Variants in JPH4 observed in about 807,000 individuals in gnomAD.
The protein encoded by JPH4 is junctophilin-4.
A neutral mutation model predicts 57.6 loss-of-function variants in JPH4; 18 were observed. That is an observed-to-expected ratio of 0.31 (90% CI 0.22 to 0.46). The LOEUF (loss-of-function observed/expected upper bound fraction) is 0.46. Ranked by LOEUF, JPH4 falls within the 20% of genes least tolerant of loss-of-function variation. The pLI, the probability that JPH4 is intolerant of heterozygous loss-of-function variation, is 1.00. For missense variants in JPH4, 727 were observed against 911.1 expected (o/e 0.80, Z 2.60); for synonymous variants, 425 against 406.6 (o/e 1.05, Z -0.54).
Position 23,577,319 on chromosome 14 carries a change from G to A in JPH4, c.135C>T (p.His45=), listed in dbSNP as rs1889299462. The change falls in exon 2 of 6, where the codon CAC becomes CAT. Residue 45 remains histidine (H), a synonymous_variant. Coordinates refer to ENST00000356300, the MANE Select transcript of JPH4 (RefSeq NM_001146028.2). This position sits in a 1 kb window ranked among gnomAD's most constrained non-coding sequence, Gnocchi z 8.4. ...TGAAGACGCCCAGTGACTCGAAGCC[G>A]TGTGCCCAGCAGCCGCTGTACTCGC... The part of the protein sequence containing the change: ...AQGEYSGCWA[H]GFESLGVFTG... 2 of 1,536,672 alleles carry A rather than the reference G, an allele frequency of 1.3e-6. No homozygotes were observed. The highest frequency in any genetic ancestry group is 1.4e-5 in the African/African-American group (1 of 72,388).
chr14:23,575,747 A>T lies in JPH4; in HGVS notation c.1089T>A (p.Ala363=), dbSNP rs1219485015. The change falls in exon 3 of 6, where the codon GCT becomes GCA. Residue 363 remains alanine, a synonymous_variant. Coordinates refer to ENST00000356300, the MANE Select transcript of JPH4 (RefSeq NM_001146028.2). This position sits in a 1 kb window ranked among gnomAD's most constrained non-coding sequence, Gnocchi z 6.9. ...TCACGGCTCGACGGGCGCCCTCGAC[A>T]GCCCTGTCCACCTTCTCCTTAACCT... The part of the protein sequence containing the change: ...RGKVKEKVDR[A]VEGARRAVSA... The T allele has an allele frequency of 6.3e-7, 1 of 1,594,062 alleles. No homozygotes were observed. Among genetic ancestry groups the T allele is most frequent in the Non-Finnish European group, 8.5e-7 (1 of 1,172,872 alleles).
At position 23,568,150 on chromosome 14, in the gene JPH4, A is replaced by G; in HGVS notation, c.*1484T>C. ...TAGTTTAACTTCAATCCCAAATTCC[A>G]TGAAATAGAAATCAGAAGTAAAGGT... On this transcript the variant is annotated 3_prime_UTR_variant, in exon 6 of 6. Coordinates refer to ENST00000356300, the MANE Select transcript of JPH4 (RefSeq NM_001146028.2). 1 of 985,756 alleles carries G rather than the reference A, an allele frequency of 1.0e-6. No individual in the cohort carries two copies. The highest frequency in any genetic ancestry group is 1.2e-6 in the Non-Finnish European group (1 of 829,918). The allele number at this position is 985,756 out of a possible 1,614,324, so 61.1% of individuals were successfully genotyped here. A position where few individuals can be genotyped will look rare whatever the true frequency, so the allele number is the denominator to read the frequency against.
rs1388366744 is a variant in JPH4 at position 23,569,529 on chromosome 14, G to C, written c.*105C>G. 2 of 762,134 alleles carry C rather than the reference G, an allele frequency of 2.6e-6. No homozygotes were observed. Among genetic ancestry groups the C allele is most frequent in the Non-Finnish European group, 4.6e-6 (2 of 434,758 alleles). 47.2% of individuals were successfully genotyped at this position (762,134 alleles called of 1,614,324 possible). ...ACAGAAAAGAAAGGAAGAAGAGAAA[G>C]AAAGATAGGAGAAAACACAGCCAGG... On this transcript the variant is annotated 3_prime_UTR_variant, in exon 6 of 6. Coordinates refer to ENST00000356300, the MANE Select transcript of JPH4 (RefSeq NM_001146028.2). The surrounding 1 kb of genome is among the most constrained non-coding windows in gnomAD (Gnocchi z 4.8).
At position 23,571,199 on chromosome 14, in the gene JPH4, C is replaced by G. The variant is rs762035279; in HGVS notation, c.1532G>C (p.Gly511Ala). The G allele has an allele frequency of 6.2e-7, 1 of 1,613,990 alleles. No homozygotes were observed. Among genetic ancestry groups the G allele is most frequent in the Non-Finnish European group, 8.5e-7 (1 of 1,179,934 alleles). ...GAGAQAEELAGYEAEDEAGMQ... is the reference protein window; with the variant it reads ...GAGAQAEELAAYEAEDEAGMQ... ...CCCAGCCTCATCCTCAGCCTCATAG[C>G]CAGCTAGTTCCTCTGCCTGTGCGCC... is the stretch of plus-strand genomic sequence containing the variant. The change falls in exon 5 of 6, where the codon GGC becomes GCC. Residue 511 changes from glycine (G) to alanine (A), a missense_variant. Gly to Ala is a moderately conservative substitution (Grantham distance 60, BLOSUM62 0). Transcript: ENST00000356300. This position sits in a 1 kb window ranked among gnomAD's most constrained non-coding sequence, Gnocchi z 4.6.
chr14:23,576,270 G>T lies in JPH4; in HGVS notation c.566C>A (p.Ser189Ter). Residue 189 changes from serine to a stop codon, truncating the protein, a stop_gained, in exon 3 of 6, where the codon TCG becomes TAG. Coordinates refer to ENST00000356300, the MANE Select transcript of JPH4 (RefSeq NM_001146028.2). LOFTEE classifies it high-confidence loss of function. This position sits in a 1 kb window ranked among gnomAD's most constrained non-coding sequence, Gnocchi z 8.0. ...CAGCACGAAGCCGCCCCGGGAGCCC[G>T]AGGCGGGGCTGCCTCCCTCGTCGCC... ...LPGDEGGSPA[S>*]GSRGGFVLAG... 2 of 1,265,734 alleles carry T rather than the reference G, an allele frequency of 1.6e-6. No homozygotes were observed. Among genetic ancestry groups the T allele is most frequent in the Non-Finnish European group, 2.0e-6 (2 of 1,007,436 alleles). 78.4% of individuals were successfully genotyped at this position (1,265,734 alleles called of 1,614,324 possible).
Position 23,568,838 on chromosome 14 carries a change from G to A in JPH4, c.*796C>T. On this transcript the variant is annotated 3_prime_UTR_variant, in exon 6 of 6. Coordinates refer to ENST00000356300, the MANE Select transcript of JPH4 (RefSeq NM_001146028.2). ...AGACAGAAGGGTGGGAGAAGTCAGTGGCAAAGTCTGGGCAGGGTGGACTTG... is the reference window on the plus strand; with the variant it reads ...AGACAGAAGGGTGGGAGAAGTCAGTAGCAAAGTCTGGGCAGGGTGGACTTG... 1 of 980,974 alleles carries A rather than the reference G, an allele frequency of 1.0e-6. No individual in the cohort carries two copies. The highest frequency in any genetic ancestry group is 4.7e-5 in the South Asian group (1 of 21,194). The allele number at this position is 980,974 out of a possible 1,614,324, so 60.8% of individuals were successfully genotyped here. A position where few individuals can be genotyped will look rare whatever the true frequency, so the allele number is the denominator to read the frequency against.
Position 23,578,396 on chromosome 14 carries a change from T to G in JPH4, c.-388A>C, listed in dbSNP as rs1889330748. ...AGGTAGTGGCAAGGGTGGGGGAAGA[T>G]GAGAATAGTGTAGGGGAAAAAATCT... On this transcript the variant is annotated 5_prime_UTR_variant, in exon 1 of 6. Coordinates refer to ENST00000356300, the MANE Select transcript of JPH4 (RefSeq NM_001146028.2). 1 of 141,236 alleles carries G rather than the reference T, an allele frequency of 7.1e-6. No individual in the cohort carries two copies. Among genetic ancestry groups the G allele is most frequent in the Non-Finnish European group, 1.5e-5 (1 of 64,966 alleles). 8.7% of individuals were successfully genotyped at this position (141,236 alleles called of 1,614,324 possible).
chr14:23,571,808 C>A lies in JPH4; in HGVS notation c.1264G>T (p.Ala422Ser). 6.2e-7 allele frequency: 1 copy of A among 1,612,286 alleles called. No individual in the cohort carries two copies. Among genetic ancestry groups the A allele is most frequent in the Non-Finnish European group, 8.5e-7 (1 of 1,179,712 alleles). ...IAQDLQPMLE[A>S]PGRRPRQDSE... ...CCAGCTGTCCATGCCTCACCTGGGG[C>A]CTCTAGCATGGGCTGCAGGTCCTGG... Residue 422 changes from alanine to serine, a missense_variant, in exon 4 of 6, where the codon GCC becomes TCC. Transcript: ENST00000356300. The surrounding 1 kb of genome is among the most constrained non-coding windows in gnomAD (Gnocchi z 4.6).
rs905637465 is a variant in JPH4 at position 23,569,487 on chromosome 14, GA to G, written c.*146del. 11 of 673,002 alleles carry G rather than the reference GA, an allele frequency of 1.6e-5. No individual in the cohort carries two copies. The highest frequency in any genetic ancestry group is 2.9e-5 in the Non-Finnish European group (11 of 375,022). The allele number at this position is 673,002 out of a possible 1,614,324, so 41.7% of individuals were successfully genotyped here. A position where few individuals can be genotyped will look rare whatever the true frequency, so the allele number is the denominator to read the frequency against. ...GAAGACAGGGAAAGAAAAAGCGAGA[GA>G]AAAAAACAAAGGAGCACAGAAAAGA... On this transcript the variant is annotated 3_prime_UTR_variant, in exon 6 of 6. Coordinates refer to ENST00000356300, the MANE Select transcript of JPH4 (RefSeq NM_001146028.2). This position sits in a 1 kb window ranked among gnomAD's most constrained non-coding sequence, Gnocchi z 4.8.
Position 23,575,771 on chromosome 14 carries a change from C to T in JPH4, c.1065G>A (p.Lys355=), listed in dbSNP as rs1442065212. 6.3e-7 allele frequency: 1 copy of T among 1,586,392 alleles called. No homozygotes were observed. Among genetic ancestry groups the T allele is most frequent in the Non-Finnish European group, 8.6e-7 (1 of 1,168,104 alleles). The change falls in exon 3 of 6, where the codon AAG becomes AAA. Residue 355 remains lysine (K), a synonymous_variant. Transcript: ENST00000356300. The surrounding 1 kb of genome is among the most constrained non-coding windows in gnomAD (Gnocchi z 6.9). ...CAGCCCTGTCCACCTTCTCCTTAAC[C>T]TTGCCCCGCCGAAGGGCCAGAGGCA... is the stretch of plus-strand genomic sequence containing the variant. ...SLLPLALRRG[K]VKEKVDRAVE... is the part of the protein sequence containing the mutation.
At chr14:23,572,042 C>T (rs1022384884) in intron 3 of JPH4, 122 bp from the exon 4 acceptor site, 22 of 836,322 alleles carry the variant, frequency 2.6e-5, no homozygotes, top group African/African-American at 3.4e-5. Flanking sequence ...CCTCTGGAGT[C>T]GTCACCCTTC....
chr14:23,568,807 T>C lies in JPH4; in HGVS notation c.*827A>G. 1 of 985,832 alleles carries C rather than the reference T, an allele frequency of 1.0e-6. No homozygotes were observed. Among genetic ancestry groups the C allele is most frequent in the Non-Finnish European group, 1.2e-6 (1 of 830,028 alleles). The allele number at this position is 985,832 out of a possible 1,614,324, so 61.1% of individuals were successfully genotyped here. ...TCCAGACCAACCAAATAAACTATTA[T>C]GGGGGAGACAGAAGGGTGGGAGAAG... On this transcript the variant is annotated 3_prime_UTR_variant, in exon 6 of 6. Coordinates refer to ENST00000356300, the MANE Select transcript of JPH4 (RefSeq NM_001146028.2).
At position 23,576,894 on chromosome 14, in the gene JPH4, T is replaced by C. The variant is rs1889286319; in HGVS notation, c.379+181A>G. ...GGAGAAGCGAGCAGGAGACAGACAA[T>C]TGAGGAAAGCATAATCATGGTGGGA... On this transcript the variant is annotated intron_variant, in intron 2 of 5. Coordinates refer to ENST00000356300, the MANE Select transcript of JPH4 (RefSeq NM_001146028.2). The surrounding 1 kb of genome is among the most constrained non-coding windows in gnomAD (Gnocchi z 8.0). Among the ~76,000 whole-genome samples, 1 of 151,220 alleles carries C rather than the reference T, an allele frequency of 6.6e-6. No individual in the cohort carries two copies. The highest frequency in any genetic ancestry group is 1.5e-5 in the Non-Finnish European group (1 of 67,776).
At position 23,577,163 on chromosome 14, in the gene JPH4, C is replaced by A. The variant is rs765820354; in HGVS notation, c.291G>T (p.Val97=). 1.6e-5 allele frequency: 25 copies of A among 1,536,506 alleles called. No individual in the cohort carries two copies. The Admixed American group carries it at 4.9e-4, about 30-fold the overall frequency. ...WLGGLKGRSG[V]WESVSGLRYA... The stretch of plus-strand genomic sequence containing the variant: ...AGCGCAGGCCGGACACGCTTTCCCA[C>A]ACGCCGCTGCGCCCCTTCAGCCCGC... The change falls in exon 2 of 6, where the codon GTG becomes GTT. Residue 97 remains valine (V), a synonymous_variant. Coordinates refer to ENST00000356300, the MANE Select transcript of JPH4 (RefSeq NM_001146028.2). The surrounding 1 kb of genome is among the most constrained non-coding windows in gnomAD (Gnocchi z 8.4).
In JPH4 at chr14:23,576,547, G is replaced by T; in HGVS notation, c.380-91C>A. 1 of 1,139,300 alleles carries T rather than the reference G, an allele frequency of 8.8e-7. No individual in the cohort carries two copies. The highest frequency in any genetic ancestry group is 1.1e-6 in the Non-Finnish European group (1 of 882,634). The allele number at this position is 1,139,300 out of a possible 1,614,324, so 70.6% of individuals were successfully genotyped here. A position where few individuals can be genotyped will look rare whatever the true frequency, so the allele number is the denominator to read the frequency against. On this transcript the variant is annotated intron_variant, in intron 2 of 5. Coordinates refer to ENST00000356300, the MANE Select transcript of JPH4 (RefSeq NM_001146028.2). This position sits in a 1 kb window ranked among gnomAD's most constrained non-coding sequence, Gnocchi z 8.0. ...CCCAAGCGCCCCTGGAAGCCCAAGC[G>T]TCAGGCGGGAGAGATGGAGGCAGTT...
chr14:23,573,418 G>A (rs1595394446), intron 3 of JPH4, among the ~76,000 whole-genome samples: 1 of 152,362 alleles, frequency 6.6e-6, no homozygotes, highest in African/African-American at 2.4e-5. Context: ...TCAAGGAGAA[G>A]GTGGACAGGG....
rs761849877 is a variant in JPH4 at position 23,576,899 on chromosome 14, G to A, written c.379+176C>T. Among the ~76,000 whole-genome samples, 1 of 151,926 alleles carries A rather than the reference G, an allele frequency of 6.6e-6. No individual in the cohort carries two copies. Among genetic ancestry groups the A allele is most frequent in the Non-Finnish European group, 1.5e-5 (1 of 67,982 alleles). On this transcript the variant is annotated intron_variant, in intron 2 of 5. Coordinates refer to ENST00000356300, the MANE Select transcript of JPH4 (RefSeq NM_001146028.2). This position sits in a 1 kb window ranked among gnomAD's most constrained non-coding sequence, Gnocchi z 8.0. ...AGCGAGCAGGAGACAGACAATTGAG[G>A]AAAGCATAATCATGGTGGGAGAGAG... is the stretch of plus-strand genomic sequence containing the variant.
chr14:23,571,081 T>C lies in JPH4; in HGVS notation c.1650A>G (p.Glu550=), dbSNP rs1045472752. ...GSLREEEGED[E]EPLPPLRAPA... Reference sequence around the variant, plus strand: ...GGGCCCTCAGCGGGGGCAGGGGCTCTTCATCCTCCCCCTCCTCCTCTCGAA... The same window carrying C: ...GGGCCCTCAGCGGGGGCAGGGGCTCCTCATCCTCCCCCTCCTCCTCTCGAA... Residue 550 remains glutamate, a synonymous_variant, in exon 5 of 6, where the codon GAA becomes GAG. Transcript: ENST00000356300. This position sits in a 1 kb window ranked among gnomAD's most constrained non-coding sequence, Gnocchi z 4.6. 9 of 1,613,362 alleles carry C rather than the reference T, an allele frequency of 5.6e-6. No individual in the cohort carries two copies. Among genetic ancestry groups the C allele is most frequent in the Non-Finnish European group, 7.6e-6 (9 of 1,179,594 alleles).
Position 23,575,989 on chromosome 14 carries a change from C to A in JPH4, c.847G>T (p.Ala283Ser). ...LIEGSATEVY[A>S]GEWRADRRSG... ...CGCCGATCTGCGCGCCACTCGCCCG[C>A]GTACACCTCTGTGGCCGAGCCCTCG... Residue 283 changes from alanine to serine, a missense_variant, in exon 3 of 6, where the codon GCG becomes TCG. Physicochemically the swap from Ala to Ser is moderately conservative, Grantham distance 99. Transcript: ENST00000356300. The surrounding 1 kb of genome is among the most constrained non-coding windows in gnomAD (Gnocchi z 6.9). 2.0e-6 allele frequency: 3 copies of A among 1,495,034 alleles called. No homozygotes were observed. Among genetic ancestry groups the A allele is most frequent in the Non-Finnish European group, 2.6e-6 (3 of 1,133,594 alleles). The allele number at this position is 1,495,034 out of a possible 1,614,324, so 92.6% of individuals were successfully genotyped here. A position where few individuals can be genotyped will look rare whatever the true frequency, so the allele number is the denominator to read the frequency against.
Sources: allele counts gnomAD v4.1 joint callset (sites outside exome capture counted in the v4.1 genomes callset), GRCh38; gene constraint gnomAD v4.1.1; non-coding constraint Gnocchi (gnomAD v3.1); transcripts MANE v1.5; gene names NCBI Gene and HGNC (gene_info 2026-07-23, HGNC 2026-07-21).